Variants in ITGA8 observed in about 807,000 individuals in gnomAD.
The protein encoded by ITGA8 is integrin alpha-8.
In ITGA8, 91 loss-of-function variants were observed where a neutral mutation model predicts 142.3. That is an observed-to-expected ratio of 0.64 (90% CI 0.54 to 0.76). The LOEUF is 0.76. Among genes scored for constraint, ITGA8 ranks in the 30% least tolerant of loss-of-function variants. ITGA8 has a pLI of 0.00. For missense variants in ITGA8, 1,406 were observed against 1,327.7 expected (o/e 1.06, Z -0.92); for synonymous variants, 505 against 485.2 (o/e 1.04, Z -0.54).
At position 15,633,865 on chromosome 10, in the gene ITGA8, G is replaced by A. The variant is rs1047356706; in HGVS notation, c.1399+10165C>T. On this transcript the variant is annotated intron_variant, in intron 13 of 29. Coordinates refer to ENST00000378076, the MANE Select transcript of ITGA8 (RefSeq NM_003638.3). Reference sequence around the variant, plus strand: ...ATAATACAAAGGGTTGTCAAAAGTAGGAAATTATCTGGGTCAGATGATGAC... The same window carrying A: ...ATAATACAAAGGGTTGTCAAAAGTAAGAAATTATCTGGGTCAGATGATGAC... Among the ~76,000 whole-genome samples, 4 of 152,178 alleles carry A rather than the reference G, an allele frequency of 2.6e-5. 1 individual carries two copies. The highest frequency in any genetic ancestry group is 2.0e-4 in the Admixed American group (3 of 15,270).
intron 11 of ITGA8, among the ~76,000 whole-genome samples, chr10:15,653,093 C>G (rs183502365): frequency 1.3e-5 from 2 of 152,348 alleles, no homozygotes; most frequent in Admixed American, 1.3e-4. Flanking sequence ...TCACGCTCCA[C>G]AGCTCTCTGC....
At chr10:15,617,066 G>A (rs559676644) in intron 13 of ITGA8, among the ~76,000 whole-genome samples, 2 of 150,948 alleles carry the variant, frequency 1.3e-5, no homozygotes, top group Non-Finnish European at 2.9e-5. Context: ...AAAGCAATCA[G>A]TAGTATATAA....
At chr10:15,626,333 G>A (rs1385886910) in intron 13 of ITGA8, among the ~76,000 whole-genome samples, 2 of 152,110 alleles carry the variant, frequency 1.3e-5, no homozygotes, top group Admixed American at 1.3e-4. Context: ...CAATTCTCCT[G>A]CCTTAGCCTC....
chr10:15,552,406 G>A (rs1283627420), intron 26 of ITGA8, among the ~76,000 whole-genome samples: 1 of 152,160 alleles, frequency 6.6e-6, no homozygotes, highest in Non-Finnish European at 1.5e-5. Flanking sequence ...CCACAGTGCT[G>A]GGATTACAAG....
chr10:15,661,789 G>A (rs940816376), intron 8 of ITGA8, among the ~76,000 whole-genome samples: 2 of 152,132 alleles, frequency 1.3e-5, no homozygotes, highest in South Asian at 2.1e-4. Flanking sequence ...GGAGGGCAGG[G>A]GAAGCATGCT....
chr10:15,716,128 T>G (rs879539537), intron 2 of ITGA8, among the ~76,000 whole-genome samples: 1 of 152,260 alleles, frequency 6.6e-6, no homozygotes, highest in Non-Finnish European at 1.5e-5. Context: ...GACCATTCAT[T>G]TCTCACAAAC....
intron 4 of ITGA8, among the ~76,000 whole-genome samples, chr10:15,679,154 A>G (rs1159161374): frequency 6.6e-6 from 1 of 152,216 alleles, no homozygotes; most frequent in African/African-American, 2.4e-5. Flanking sequence ...GTGTGAAGGC[A>G]GATAGGTCTG....
chr10:15,689,432 G>C (rs974718405), intron 2 of ITGA8, among the ~76,000 whole-genome samples: 1 of 152,138 alleles, frequency 6.6e-6, no homozygotes. Flanking sequence ...CCTAAGCCAG[G>C]ATGAACTCAG....
At chr10:15,607,503 T>C (rs1312172946) in intron 17 of ITGA8, among the ~76,000 whole-genome samples, 174 bp downstream of exon 17, 1 of 152,156 alleles carries the variant, frequency 6.6e-6, no homozygotes, top group Non-Finnish European at 1.5e-5. Context: ...ATCAGGTTAG[T>C]TGAAGTCAGG....
At chr10:15,546,296 ATG>A (rs1038901476) in intron 27 of ITGA8, among the ~76,000 whole-genome samples, 2 of 152,188 alleles carry the variant, frequency 1.3e-5, no homozygotes, top group Non-Finnish European at 2.9e-5. Flanking sequence ...GGCAGGTGCT[ATG>A]TCTGTTGTGT....
At chr10:15,555,560 C>G (rs989154931) in intron 26 of ITGA8, among the ~76,000 whole-genome samples, 4 of 152,192 alleles carry the variant, frequency 2.6e-5, no homozygotes, top group Non-Finnish European at 4.4e-5. Context: ...GGGATGAACC[C>G]AGTCTGGAGA....
intron 4 of ITGA8, among the ~76,000 whole-genome samples, chr10:15,680,267 G>T (rs928806315): frequency 9.3e-6 from 1 of 107,248 alleles, no homozygotes; most frequent in South Asian, 3.4e-4. Flanking sequence ...TCCCTCTGTT[G>T]CCCAGGCTGG....
At chr10:15,715,079 G>T (rs1351484736) in intron 2 of ITGA8, among the ~76,000 whole-genome samples, 2 of 152,144 alleles carry the variant, frequency 1.3e-5, no homozygotes, top group East Asian at 3.9e-4. Flanking sequence ...ACTTAGTTAA[G>T]CAGAGAACTT....
chr10:15,572,620 A>G (rs553818016), intron 24 of ITGA8, among the ~76,000 whole-genome samples: 1 of 152,240 alleles, frequency 6.6e-6, no homozygotes, highest in African/African-American at 2.4e-5. Context: ...GTTGAAGACC[A>G]TACTACCCTT....
chr10:15,606,697 C>T (rs1247740741), intron 17 of ITGA8, among the ~76,000 whole-genome samples: 1 of 152,088 alleles, frequency 6.6e-6, no homozygotes, highest in African/African-American at 2.4e-5. Context: ...ACAACTCATG[C>T]AGAACTGGTC....
At chr10:15,670,489 G>T (rs902227514) in intron 8 of ITGA8, among the ~76,000 whole-genome samples, 1 of 152,214 alleles carries the variant, frequency 6.6e-6, no homozygotes, top group Non-Finnish European at 1.5e-5. Flanking sequence ...CTGTCAAGCT[G>T]TTTCCGGTAT....
At position 15,632,308 on chromosome 10, in the gene ITGA8, T is replaced by G. The variant is rs956681777; in HGVS notation, c.1399+11722A>C. On this transcript the variant is annotated intron_variant, in intron 13 of 29. Transcript: ENST00000378076. ...GGCAGATGGAGGTACTCAGAGGTTT[T>G]CACAACACACTAAGCAAAATAGAAA... 5.9e-4 allele frequency among the ~76,000 whole-genome samples: 90 copies of G among 152,176 alleles called. 4 individuals are homozygous for G. The highest frequency in any genetic ancestry group is 5.9e-5 in the Non-Finnish European group (4 of 68,032).
intron 27 of ITGA8, among the ~76,000 whole-genome samples, chr10:15,546,028 C>T (rs1833662030): frequency 6.6e-6 from 1 of 152,174 alleles, no homozygotes; most frequent in African/African-American, 2.4e-5. Flanking sequence ...AGTGTTCTGG[C>T]CTCAGGGCCT....
At chr10:15,562,314 C>T (rs746398691) in intron 25 of ITGA8, among the ~76,000 whole-genome samples, 10 of 152,298 alleles carry the variant, frequency 6.6e-5, no homozygotes, top group East Asian at 1.9e-4. Context: ...GCGAAGCTGG[C>T]GGCTCCGTGA....
Sources: allele counts gnomAD v4.1 joint callset (sites outside exome capture counted in the v4.1 genomes callset), GRCh38; gene constraint gnomAD v4.1.1; transcripts MANE v1.5; gene names NCBI Gene and HGNC (gene_info 2026-07-23, HGNC 2026-07-21).